The following PRKCD variants were observed in gnomAD, a reference collection of about 807,000 sequenced individuals.
The protein encoded by PRKCD is protein kinase C delta type.
A neutral mutation model predicts 82.2 loss-of-function variants in PRKCD; 20 were observed. The ratio of observed to expected loss-of-function variants is 0.24; its 90% CI spans 0.17 to 0.35. The LOEUF (loss-of-function observed/expected upper bound fraction) is 0.35, where lower values mean the gene tolerates loss of function less well. PRKCD is among the 10% of genes least tolerant of loss of function. PRKCD has a pLI of 1.00. For missense variants in PRKCD, 607 were observed against 899.0 expected (o/e 0.68, Z 4.15); for synonymous variants, 317 against 337.0 (o/e 0.94, Z 0.65).
At position 53,188,777 on chromosome 3, in the gene PRKCD, C is replaced by A; in HGVS notation, c.1473C>A (p.Asp491Glu). ...LDRDGHIKIA[D>E]FGMCKENIFG... ...GGGATGGCCACATCAAGATTGCCGA[C>A]TTTGGGATGTGCAAAGAGAACATAT... Residue 491 changes from aspartate to glutamate, a missense_variant, in exon 16 of 19, where the codon GAC (aspartate) becomes GAA (glutamate). Transcript: ENST00000330452. 6.2e-7 allele frequency: 1 copy of A among 1,614,214 alleles called. No individual in the cohort carries two copies. Among genetic ancestry groups the A allele is most frequent in the South Asian group, 1.1e-5 (1 of 91,082 alleles).
intron 4 of PRKCD, among the ~76,000 whole-genome samples, 162 bp downstream of exon 4, chr3:53,179,938 G>A (rs1703374858): frequency 6.6e-6 from 1 of 152,198 alleles, no homozygotes; most frequent in Non-Finnish European, 1.5e-5. Flanking sequence ...TGGCCAACAT[G>A]TCCTGGGTGT....
chr3:53,192,045 C>T (rs62254318), intron 18 of PRKCD, 63 bp from the exon 19 acceptor site: 41,943 of 1,557,588 alleles, frequency 0.027, 712 homozygotes, highest in Non-Finnish European at 0.033. Flanking sequence ...GGGACTCCAG[C>T]CTGGGGTGTC....
chr3:53,190,963 A>G (rs1703904481), intron 18 of PRKCD, among the ~76,000 whole-genome samples: 1 of 152,190 alleles, frequency 6.6e-6, no homozygotes, highest in African/African-American at 2.4e-5. Context: ...AACACAAAGC[A>G]GGTGTGATGT....
intron 4 of PRKCD, 85 bp downstream of exon 4, chr3:53,179,861 C>G (rs532560961): frequency 2.7e-6 from 4 of 1,502,786 alleles, no homozygotes; most frequent in South Asian, 2.5e-5. Flanking sequence ...CGTGCACACA[C>G]GCGGGCTTGG....
intron 2 of PRKCD, among the ~76,000 whole-genome samples, chr3:53,167,017 T>C (rs1702857396): frequency 6.6e-6 from 1 of 152,210 alleles, no homozygotes; most frequent in Non-Finnish European, 1.5e-5. Context: ...CCCCACGGTG[T>C]CCATGCCTAG....
rs782302325 is a variant in PRKCD, at chr3:53,178,489, G to A, written c.67G>A (p.Ala23Thr). The change falls in exon 3 of 19, where the codon GCG becomes ACG. Residue 23 changes from alanine (A) to threonine (T), a missense_variant. Physicochemically the swap from Ala to Thr is moderately conservative, Grantham distance 58. Around this residue, in one of 5 missense-constraint regions of PRKCD, gnomAD observed 161 missense variants for 227.0 expected, o/e 0.71. Coordinates refer to ENST00000330452, the MANE Select transcript of PRKCD (RefSeq NM_006254.4). ...ELGSLQAEDE[A>T]NQPFCAVKMK... Reference sequence around the variant, plus strand: ...GGGCTCCCTGCAGGCCGAGGACGAGGCGAACCAGCCCTTCTGTGCCGTGAA... The same window carrying A: ...GGGCTCCCTGCAGGCCGAGGACGAGACGAACCAGCCCTTCTGTGCCGTGAA... 6 of 1,613,092 alleles carry A rather than the reference G, an allele frequency of 3.7e-6. No individual in the cohort carries two copies. The highest frequency in any genetic ancestry group is 5.1e-6 in the Non-Finnish European group (6 of 1,179,938).
chr3:53,186,780 C>T (rs1056496683), intron 14 of PRKCD, 85 bp downstream of exon 14: 3 of 1,343,884 alleles, frequency 2.2e-6, no homozygotes, highest in African/African-American at 1.5e-5. Context: ...CCCTCCATGC[C>T]TTCTTCCCTC....
chr3:53,166,742 G>A (rs1206515609), intron 2 of PRKCD, among the ~76,000 whole-genome samples: 2 of 152,270 alleles, frequency 1.3e-5, no homozygotes, highest in African/African-American at 4.8e-5. Flanking sequence ...GCAAGTTCCA[G>A]GTGTGGCTGT....
chr3:53,178,621 T>C lies in PRKCD; in HGVS notation c.115+84T>C, dbSNP rs1469854226. The C allele has an allele frequency of 2.6e-6, 3 of 1,149,176 alleles. No individual in the cohort carries two copies. In the African/African-American group the frequency reaches 4.6e-5, roughly 18 times the overall value. 71.2% of individuals were successfully genotyped at this position (1,149,176 alleles called of 1,614,324 possible). A position where few individuals can be genotyped will look rare whatever the true frequency, so the allele number is the denominator to read the frequency against. On this transcript the variant is annotated intron_variant, in intron 3 of 18. Transcript: ENST00000330452. ...CTGGAGGGGGCCTGGCCTTGTTCCC[T>C]GCAACCTCTGAAGGATTCTGCTCTT...
At chr3:53,167,496 C>G (rs782024628) in intron 2 of PRKCD, among the ~76,000 whole-genome samples, 1 of 152,236 alleles carries the variant, frequency 6.6e-6, no homozygotes, top group Non-Finnish European at 1.5e-5. Flanking sequence ...CAGCTCCCAG[C>G]AGCTCTATGA....
chr3:53,169,238 A>G lies in PRKCD; in HGVS notation c.-20+4023A>G, dbSNP rs1414434395. Among the ~76,000 whole-genome samples, 1 of 152,076 alleles carries G rather than the reference A, an allele frequency of 6.6e-6. No individual in the cohort carries two copies. Among genetic ancestry groups the G allele is most frequent in the African/African-American group, 2.4e-5 (1 of 41,380 alleles). On this transcript the variant is annotated intron_variant, in intron 2 of 18. Transcript: ENST00000330452. This position sits in a 1 kb window ranked among gnomAD's most constrained non-coding sequence, Gnocchi z 4.7. The stretch of plus-strand genomic sequence containing the variant: ...GGCAGGCTTGAGCTCTTCTGGAGTC[A>G]TTCATGTGGTGAAGCCAGGGAGGCA...
At chr3:53,185,849 C>A in intron 11 of PRKCD, 78 bp from the exon 12 acceptor site, 4 of 1,555,788 alleles carry the variant, frequency 2.6e-6, no homozygotes, top group Non-Finnish European at 3.5e-6. Context: ...CCCCTTCCCC[C>A]AGCCTACCCC....
At chr3:53,181,348 C>A in intron 5 of PRKCD, 81 bp downstream of exon 5, 1 of 1,607,900 alleles carries the variant, frequency 6.2e-7, no homozygotes, top group Non-Finnish European at 8.5e-7. Context: ...AAGCTGCTCC[C>A]TTCGGCAGAG....
intron 1 of PRKCD, among the ~76,000 whole-genome samples, chr3:53,162,269 TC>T (rs1205828057): frequency 1.4e-5 from 2 of 138,736 alleles, no homozygotes; most frequent in Admixed American, 6.8e-5. Context: ...GGGGAGGAGG[TC>T]GGGGGGGGGG....
intron 2 of PRKCD, among the ~76,000 whole-genome samples, chr3:53,166,636 C>T (rs1553663896): frequency 6.6e-6 from 1 of 152,248 alleles, no homozygotes; most frequent in African/African-American, 2.4e-5. Flanking sequence ...CAAATGCCTG[C>T]CCACACATAC....
chr3:53,170,849 G>A (rs759302094), intron 2 of PRKCD, among the ~76,000 whole-genome samples: 3 of 152,208 alleles, frequency 2.0e-5, no homozygotes, highest in Admixed American at 6.5e-5. Flanking sequence ...GGCACTCCAC[G>A]TGCGTGTGGA....
chr3:53,163,336 G>T (rs1435237829), intron 1 of PRKCD, among the ~76,000 whole-genome samples: 1 of 151,898 alleles, frequency 6.6e-6, no homozygotes, highest in African/African-American at 2.4e-5. Flanking sequence ...GACAAGGTGT[G>T]TGGTGACAGT....
In PRKCD at chr3:53,189,175, G is replaced by C; in HGVS notation, c.1672G>C (p.Glu558Gln). 6.2e-7 allele frequency: 1 copy of C among 1,614,104 alleles called. No homozygotes were observed. The highest frequency in any genetic ancestry group is 8.5e-7 in the Non-Finnish European group (1 of 1,180,006). ...TGGTGATGATGAGGATGAACTCTTC[G>C]AGTCCATCCGTGTGGACACGCCACA... is the stretch of plus-strand genomic sequence containing the variant. ...FHGDDEDELF[E>Q]SIRVDTPHYP... The change falls in exon 17 of 19, where the codon GAG becomes CAG. Residue 558 changes from glutamate (E) to glutamine (Q), a missense_variant. Physicochemically the swap from Glu to Gln is conservative, Grantham distance 29. Around this residue, in one of 5 missense-constraint regions of PRKCD, gnomAD observed 251 missense variants for 423.9 expected, o/e 0.59. Coordinates refer to ENST00000330452, the MANE Select transcript of PRKCD (RefSeq NM_006254.4).
intron 1 of PRKCD, among the ~76,000 whole-genome samples, chr3:53,163,763 C>T: frequency 6.6e-6 from 1 of 152,154 alleles, no homozygotes; most frequent in East Asian, 1.9e-4. Context: ...CAATTTCCTG[C>T]CTGTCTGTTG....
Sources: allele counts gnomAD v4.1 joint callset (sites outside exome capture counted in the v4.1 genomes callset), GRCh38; gene constraint gnomAD v4.1.1; regional missense constraint gnomAD v4.1.1; non-coding constraint Gnocchi (gnomAD v3.1); transcripts MANE v1.5; gene names NCBI Gene and HGNC (gene_info 2026-07-23, HGNC 2026-07-21).